ZNF782: variants seen among roughly 807,000 people sequenced by gnomAD.
ZNF782 encodes zinc finger protein 782.
In ZNF782, 12 loss-of-function variants were observed where a neutral mutation model predicts 13.0. That is an observed-to-expected ratio of 0.92 (90% CI 0.59 to 1.50). The LOEUF (loss-of-function observed/expected upper bound fraction) is 1.50, where lower values mean the gene tolerates loss of function less well. Ranked by LOEUF, ZNF782 falls within the 40% of genes most tolerant of loss-of-function variation. ZNF782 has a pLI of 0.00. For synonymous variants in ZNF782, 284 were observed against 283.0 expected (o/e 1.00, Z -0.04); for missense variants, 770 against 822.9 (o/e 0.94, Z 0.79).
chr9:96,862,837 T>A (rs1489138270), intron 1 of ZNF782, among the ~76,000 whole-genome samples: 1 of 152,228 alleles, frequency 6.6e-6, no homozygotes, highest in African/African-American at 2.4e-5. Context: ...TTATGAACAC[T>A]TAGCTCTGCT....
At chr9:96,866,661 A>G (rs1186615878) in intron 1 of ZNF782, among the ~76,000 whole-genome samples, 1 of 152,202 alleles carries the variant, frequency 6.6e-6, no homozygotes, top group Non-Finnish European at 1.5e-5. Flanking sequence ...AGATCCACTG[A>G]CAGCCTGCAC....
chr9:96,930,872 G>GTTTTTTTTTTTTTTTTTTTTTTTT, the ZNF782 span, among the ~76,000 whole-genome samples: 2 of 72,726 alleles, frequency 2.8e-5, no homozygotes, highest in Non-Finnish European at 5.0e-5. Context: ...CCATCCAGTG[G>GTTTTTTTTTTTTTTTTTTTTTTTT]TTTTTTTTTT....
rs769274765 is a variant in ZNF782, at chr9:96,818,236, CCA to C, written c.1785_1786del (p.Cys595TrpfsTer24). 4 of 1,613,798 alleles carry C rather than the reference CCA, an allele frequency of 2.5e-6. No individual in the cohort carries two copies. The highest frequency in any genetic ancestry group is 1.3e-5 in the African/African-American group (1 of 74,814). On this transcript the variant is annotated frameshift_variant, in exon 6 of 6. Transcript: ENST00000481138. LOFTEE classifies it low-confidence loss of function (END_TRUNC). ...ATTTGATTTCTGCCTGAATGTTTTT[CCA>C]CACTCCTCACATTGATAGGGTTTCT...
intron 2 of ZNF782, 83 bp downstream of exon 2, chr9:96,852,770 C>T (rs540654014): frequency 1.3e-5 from 2 of 152,764 alleles, no homozygotes; most frequent in Admixed American, 6.5e-5. Context: ...AGATGAGATA[C>T]TTTAAGGCAA....
the ZNF782 span, among the ~76,000 whole-genome samples, chr9:96,903,736 G>A: frequency 6.6e-6 from 1 of 151,042 alleles, no homozygotes; most frequent in East Asian, 1.9e-4. Flanking sequence ...CTAATTTTTT[G>A]TATTTTTAGT....
At chr9:96,843,544 T>C (rs971790492) in intron 4 of ZNF782, among the ~76,000 whole-genome samples, 1 of 152,194 alleles carries the variant, frequency 6.6e-6, no homozygotes, top group Non-Finnish European at 1.5e-5. Flanking sequence ...GGTGTGACTA[T>C]GAATGAGTAG....
the ZNF782 span, among the ~76,000 whole-genome samples, chr9:96,901,397 G>C: frequency 2.4e-3 from 348 of 145,640 alleles, 3 homozygotes; most frequent in African/African-American, 8.4e-3. Context: ...TCAGCCTCCC[G>C]AGTAACTGGG....
rs1390599076 is a variant in ZNF782 at position 96,816,738 on chromosome 9, TGTGA to T, written c.*1181_*1184del. 2.0e-5 allele frequency: 3 copies of T among 152,222 alleles called. No homozygotes were observed. Among genetic ancestry groups the T allele is most frequent in the African/African-American group, 7.2e-5 (3 of 41,444 alleles). The allele number at this position is 152,222 out of a possible 1,614,324, so 9.4% of individuals were successfully genotyped here. On this transcript the variant is annotated 3_prime_UTR_variant, in exon 6 of 6. Transcript: ENST00000481138. ...TTTAATGAGACTTTGGGTGTGTATG[TGTGA>T]GTGTGTGTCTGTGTGTGTGAAGAAT... is the stretch of plus-strand genomic sequence containing the variant.
At chr9:96,865,216 C>T (rs1194431447) in intron 1 of ZNF782, among the ~76,000 whole-genome samples, 1 of 152,134 alleles carries the variant, frequency 6.6e-6, no homozygotes, top group Non-Finnish European at 1.5e-5. Context: ...ATTTCCAACT[C>T]GGGAGAAACA....
intron 1 of ZNF782, among the ~76,000 whole-genome samples, chr9:96,853,522 CTCTT>C (rs1455743051): frequency 1.3e-5 from 2 of 152,214 alleles, no homozygotes; most frequent in African/African-American, 4.8e-5. Context: ...AAAAATCTGA[CTCTT>C]AGAATTCTTT....
chr9:96,821,026 G>A (rs1218883205), intron 5 of ZNF782, among the ~76,000 whole-genome samples: 2 of 152,002 alleles, frequency 1.3e-5, no homozygotes, highest in Non-Finnish European at 2.9e-5. Flanking sequence ...TTTTAACCTG[G>A]ACTTAGAAAC....
chr9:96,899,163 T>C, the ZNF782 span, among the ~76,000 whole-genome samples: 1 of 151,294 alleles, frequency 6.6e-6, no homozygotes, highest in South Asian at 2.1e-4. Context: ...TCAAGGTTCA[T>C]CCATGTGCCA....
chr9:96,831,572 A>T (rs1055244221), intron 4 of ZNF782, among the ~76,000 whole-genome samples: 1 of 151,876 alleles, frequency 6.6e-6, no homozygotes, highest in Non-Finnish European at 1.5e-5. Context: ...AATTAGCTGG[A>T]CATGGTGGCA....
At chr9:96,930,912 T>TTTTTTTTTG in the ZNF782 span, among the ~76,000 whole-genome samples, 1 of 97,732 alleles carries the variant, frequency 1.0e-5, no homozygotes, top group African/African-American at 4.8e-5. Flanking sequence ...TTTTTTTTTT[T>TTTTTTTTTG]GAGACGGAGT....
At chr9:96,911,210 C>T in the ZNF782 span, among the ~76,000 whole-genome samples, 1 of 143,706 alleles carries the variant, frequency 7.0e-6, no homozygotes, top group African/African-American at 2.5e-5. Flanking sequence ...GAGGCCGAGG[C>T]GGGCGGATCA....
chr9:96,908,173 GT>G, the ZNF782 span, among the ~76,000 whole-genome samples: 1 of 148,612 alleles, frequency 6.7e-6, no homozygotes. Context: ...TCAATAAATG[GT>G]TTTTTTTGTT....
At chr9:96,867,036 T>G (rs1231943883) in intron 1 of ZNF782, among the ~76,000 whole-genome samples, 2 of 152,220 alleles carry the variant, frequency 1.3e-5, no homozygotes, top group East Asian at 3.8e-4. Flanking sequence ...CAGATGAGAC[T>G]TTGGACTGTG....
chr9:96,873,693 GTC>G (rs1320936191), intron 1 of ZNF782, among the ~76,000 whole-genome samples: 3 of 152,194 alleles, frequency 2.0e-5, no homozygotes, highest in African/African-American at 7.2e-5. Flanking sequence ...GCGAGACCTT[GTC>G]TCACACACAC....
chr9:96,826,412 G>A (rs886371827), intron 5 of ZNF782, among the ~76,000 whole-genome samples: 6 of 152,038 alleles, frequency 3.9e-5, no homozygotes, highest in African/African-American at 1.2e-4. Flanking sequence ...GGTTGGGGGA[G>A]GGGGAAGGGA....
Sources: allele counts gnomAD v4.1 joint callset (sites outside exome capture counted in the v4.1 genomes callset), GRCh38; gene constraint gnomAD v4.1.1; transcripts MANE v1.5; gene names NCBI Gene and HGNC (gene_info 2026-07-23, HGNC 2026-07-21).